SOX6: variants seen among roughly 807,000 people sequenced by gnomAD.
SOX6 encodes the protein transcription factor SOX-6.
A neutral mutation model predicts 97.8 loss-of-function variants in SOX6; 11 were observed. The ratio of observed to expected loss-of-function variants is 0.11; its 90% CI spans 0.07 to 0.19. The LOEUF is 0.19. Among genes scored for constraint, SOX6 ranks in the 10% least tolerant of loss-of-function variants. SOX6 has a pLI of 1.00. For synonymous variants in SOX6, 360 were observed against 371.4 expected (o/e 0.97, Z 0.35); for missense variants, 810 against 1,039.5 (o/e 0.78, Z 3.04).
intron 3 of SOX6, among the ~76,000 whole-genome samples, chr11:16,668,484 G>T (rs1027873763): frequency 6.6e-6 from 1 of 152,110 alleles, no homozygotes; most frequent in African/African-American, 2.4e-5. Flanking sequence ...AGGAAGAAAG[G>T]ACAGAAGGAA....
chr11:16,645,177 T>A (rs1483128077), intron 3 of SOX6, among the ~76,000 whole-genome samples: 1 of 152,048 alleles, frequency 6.6e-6, no homozygotes, highest in African/African-American at 2.4e-5. Flanking sequence ...TTCAATCAAA[T>A]TTTTTTTCTG....
intron 3 of SOX6, among the ~76,000 whole-genome samples, chr11:16,669,430 G>A (rs984534542): frequency 1.3e-5 from 2 of 152,150 alleles, no homozygotes; most frequent in African/African-American, 4.8e-5. Context: ...AGACAACTAG[G>A]GACTGCAGCA....
intron 6 of SOX6, among the ~76,000 whole-genome samples, chr11:16,172,968 G>T (rs149457822): frequency 7.0e-4 from 107 of 151,974 alleles, no homozygotes; most frequent in African/African-American, 2.4e-3. Context: ...GCTGAGAGTA[G>T]ATCAGTTATC....
intron 4 of SOX6, among the ~76,000 whole-genome samples, chr11:16,515,064 T>G (rs376303603): frequency 1.3e-3 from 190 of 151,316 alleles, no homozygotes; most frequent in East Asian, 7.1e-3. Flanking sequence ...ATATACCCAG[T>G]AATGGGATGG....
chr11:16,449,942 TAG>T (rs1565149822), intron 1 of SOX6, among the ~76,000 whole-genome samples: 17 of 152,194 alleles, frequency 1.1e-4, no homozygotes, highest in Non-Finnish European at 2.1e-4. Flanking sequence ...CTAAATACTA[TAG>T]CACTATCAAT....
chr11:16,540,335 C>G (rs1243039225), intron 4 of SOX6, among the ~76,000 whole-genome samples: 1 of 152,032 alleles, frequency 6.6e-6, no homozygotes, highest in Non-Finnish European at 1.5e-5. Flanking sequence ...ATAATAAGAG[C>G]TATCTATGAC....
At chr11:16,572,361 T>C (rs762668382) in intron 4 of SOX6, among the ~76,000 whole-genome samples, 1 of 152,220 alleles carries the variant, frequency 6.6e-6, no homozygotes, top group Admixed American at 6.5e-5. Context: ...AGTAATGTTG[T>C]AGTTACAGCA....
At chr11:16,239,342 T>G (rs1363622278) in intron 3 of SOX6, among the ~76,000 whole-genome samples, 1 of 152,064 alleles carries the variant, frequency 6.6e-6, no homozygotes, top group African/African-American at 2.4e-5. Context: ...ATGAAACAAC[T>G]GATTTTCCAA....
intron 4 of SOX6, among the ~76,000 whole-genome samples, chr11:16,233,835 C>T (rs73418998): frequency 1.2e-4 from 18 of 151,674 alleles, no homozygotes; most frequent in African/African-American, 4.3e-4. Context: ...TGGTGAAACC[C>T]CTCTCCACTA....
At chr11:16,389,510 C>A (rs984692961) in intron 1 of SOX6, among the ~76,000 whole-genome samples, 1 of 151,946 alleles carries the variant, frequency 6.6e-6, no homozygotes, top group Admixed American at 6.6e-5. Context: ...TTCCCTTTGG[C>A]TCTTTTTAAT....
intron 1 of SOX6, among the ~76,000 whole-genome samples, chr11:16,378,728 A>G (rs1216808572): frequency 1.3e-5 from 2 of 152,072 alleles, no homozygotes; most frequent in Non-Finnish European, 2.9e-5. Flanking sequence ...ATGGTTCTAA[A>G]GGCAGAAATC....
intron 13 of SOX6, among the ~76,000 whole-genome samples, chr11:16,011,753 G>T (rs181131895): frequency 2.0e-5 from 3 of 152,024 alleles, no homozygotes; most frequent in Non-Finnish European, 4.4e-5. Flanking sequence ...GGTAGACATG[G>T]GGGGAGGGCA....
intron 12 of SOX6, among the ~76,000 whole-genome samples, chr11:16,040,913 G>A (rs908315291): frequency 2.0e-5 from 3 of 152,034 alleles, no homozygotes; most frequent in African/African-American, 7.2e-5. Context: ...TCATTGTCGT[G>A]ACATAAAGAA....
chr11:16,323,157 T>C (rs1855976567), intron 2 of SOX6, among the ~76,000 whole-genome samples: 1 of 152,162 alleles, frequency 6.6e-6, no homozygotes, highest in Non-Finnish European at 1.5e-5. Context: ...AAAAGCCATG[T>C]TGATTCAGAT....
intron 13 of SOX6, among the ~76,000 whole-genome samples, chr11:16,007,400 A>G (rs573906383): frequency 6.6e-6 from 1 of 152,110 alleles, no homozygotes; most frequent in Non-Finnish European, 1.5e-5. Flanking sequence ...ATTGACTTAA[A>G]TGTCATTAAG....
At chr11:16,402,518 G>C in intron 1 of SOX6, 2 of 814,448 alleles carry the variant, frequency 2.5e-6, no homozygotes, top group Middle Eastern at 2.4e-4. Context: ...GAGCTTCCCA[G>C]AGATTTGATG....
chr11:16,206,095 T>C (rs1852064689), intron 4 of SOX6, among the ~76,000 whole-genome samples: 2 of 152,120 alleles, frequency 1.3e-5, no homozygotes, highest in Admixed American at 6.5e-5. Flanking sequence ...ATGTATGTTG[T>C]ATATATACAC....
At chr11:15,976,750 C>T (rs543505046) in intron 15 of SOX6, among the ~76,000 whole-genome samples, 2 of 152,248 alleles carry the variant, frequency 1.3e-5, no homozygotes, top group South Asian at 4.2e-4. Context: ...AAAAAGTCCC[C>T]AAAGAATAAC....
Position 16,501,851 on chromosome 11 carries a change from T to A in SOX6, n.610-25463A>T, listed in dbSNP as rs192880497. Among the ~76,000 whole-genome samples the A allele has an allele frequency of 8.2e-3, 1,247 of 152,320 alleles. 17 individuals carry two copies. Among genetic ancestry groups the A allele is most frequent in the African/African-American group, 0.029 (1,191 of 41,562 alleles). On this transcript the variant is annotated intron_variant and non_coding_transcript_variant, in intron 4 of 5. Coordinates refer to the SOX6 transcript ENST00000524520. ...GGATGTGCAGAAATAGAAACACTTT[T>A]ACACTGTTGGTGGGACTGTAAACTA...
Sources: gnomAD v4.1 joint callset for allele counts (sites outside exome capture counted in the v4.1 genomes callset) on GRCh38, gnomAD v4.1.1 for gene constraint, MANE v1.5 for transcripts, NCBI Gene and HGNC (gene_info 2026-07-23, HGNC 2026-07-21) for gene names.